The following SLC5A7 variants were observed in gnomAD, a reference collection of about 807,000 sequenced individuals.
The protein encoded by SLC5A7 is high affinity choline transporter 1.
Under a neutral mutation model 55.4 loss-of-function variants are expected in SLC5A7, and 19 were observed. The ratio of observed to expected loss-of-function variants is 0.34; its 90% confidence interval spans 0.24 to 0.50. The LOEUF (loss-of-function observed/expected upper bound fraction) is 0.50. Among genes scored for constraint, SLC5A7 ranks in the 20% least tolerant of loss-of-function variants. The pLI is 0.98. For synonymous variants in SLC5A7, 265 were observed against 263.7 expected (o/e 1.00, Z -0.05); for missense variants, 506 against 705.3 (o/e 0.72, Z 3.20).
At chr2:107,999,222 G>A (rs1196406439) in intron 5 of SLC5A7, among the ~76,000 whole-genome samples, 3 of 152,176 alleles carry the variant, frequency 2.0e-5, no homozygotes, top group Non-Finnish European at 4.4e-5. Context: ...TAAGTGGACC[G>A]TGCTGAAATT....
chr2:108,005,692 T>C (rs1017992461), intron 6 of SLC5A7, among the ~76,000 whole-genome samples: 2 of 152,162 alleles, frequency 1.3e-5, no homozygotes, highest in South Asian at 2.1e-4. Context: ...TGGTGAGGAT[T>C]CGCATCCTCA....
chr2:107,999,213 A>T (rs957525629), intron 5 of SLC5A7, among the ~76,000 whole-genome samples: 1 of 152,236 alleles, frequency 6.6e-6, no homozygotes, highest in African/African-American at 2.4e-5. Flanking sequence ...TACCAAAATT[A>T]AGTGGACCGT....
intron 8 of SLC5A7, among the ~76,000 whole-genome samples, chr2:108,009,102 C>T (rs1186545938): frequency 1.3e-5 from 2 of 152,014 alleles, no homozygotes; most frequent in African/African-American, 4.8e-5. Context: ...CTGTTTTATA[C>T]TTGCACTCCA....
intron 2 of SLC5A7, among the ~76,000 whole-genome samples, 168 bp from the exon 3 acceptor site, chr2:107,991,934 TGAAA>T (rs761113212): frequency 1.2e-4 from 18 of 152,238 alleles, no homozygotes; most frequent in Admixed American, 2.0e-4. Context: ...ATGTGATTAA[TGAAA>T]GAAAAAACAT....
At chr2:107,994,908 GAATT>G (rs1208995775) in intron 4 of SLC5A7, among the ~76,000 whole-genome samples, 1 of 152,126 alleles carries the variant, frequency 6.6e-6, no homozygotes, top group African/African-American at 2.4e-5. Flanking sequence ...AGAAAGAATA[GAATT>G]AATAAGCAAA....
At chr2:108,006,265 T>G in intron 7 of SLC5A7, 63 bp downstream of exon 7, 1 of 1,584,278 alleles carries the variant, frequency 6.3e-7, no homozygotes, top group Non-Finnish European at 8.6e-7. Context: ...CCAGACACCC[T>G]TCTGTCCCAC....
Position 108,013,186 on chromosome 2 carries a change from A to G in SLC5A7, c.*2325A>G, listed in dbSNP as rs1389499695. The G allele has an allele frequency of 6.6e-6, 1 of 152,052 alleles. No individual in the cohort carries two copies. The highest frequency in any genetic ancestry group is 6.6e-5 in the Admixed American group (1 of 15,252). 9.4% of individuals were successfully genotyped at this position (152,052 alleles called of 1,614,324 possible). A position where few individuals can be genotyped will look rare whatever the true frequency, so the allele number is the denominator to read the frequency against. On this transcript the variant is annotated 3_prime_UTR_variant, in exon 9 of 9. Transcript: ENST00000264047. ...TTTCTTCCACGTAATTCAATTTCTC[A>G]CAATAGACAGAAACAGGGGGAAAAT...
chr2:108,000,996 C>T (rs566824453), intron 5 of SLC5A7, among the ~76,000 whole-genome samples: 31 of 141,352 alleles, frequency 2.2e-4, no homozygotes, highest in Middle Eastern at 4.0e-3. Flanking sequence ...TGTCCAGTCT[C>T]GGCTCACTGC....
At position 107,993,200 on chromosome 2, in the gene SLC5A7, TC is replaced by T. The variant is rs1332174361; in HGVS notation, c.448+74del. 3 of 1,550,334 alleles carry T rather than the reference TC, an allele frequency of 1.9e-6. No individual in the cohort carries two copies. In the African/African-American group the frequency reaches 4.1e-5, roughly 21 times the overall value. ...CATCAGATACACAACCTTACTTTCC[TC>T]AGCCTTGGCTTCTGAGGACATTTTT... On this transcript the variant is annotated intron_variant, in intron 4 of 8. Transcript: ENST00000264047.
At chr2:108,002,750 C>G (rs1460933662) in intron 6 of SLC5A7, among the ~76,000 whole-genome samples, 1 of 152,068 alleles carries the variant, frequency 6.6e-6, no homozygotes, top group Non-Finnish European at 1.5e-5. Context: ...AGTGTGGTGG[C>G]TCACCCTGGT....
intron 6 of SLC5A7, among the ~76,000 whole-genome samples, chr2:108,004,351 G>A (rs1678026243): frequency 6.6e-6 from 1 of 152,136 alleles, no homozygotes; most frequent in African/African-American, 2.4e-5. Context: ...CAGGAATGGG[G>A]TTATGAATTT....
chr2:107,987,940 T>A, intron 1 of SLC5A7, among the ~76,000 whole-genome samples, 165 bp from the exon 2 acceptor site: 1 of 152,232 alleles, frequency 6.6e-6, no homozygotes, highest in East Asian at 1.9e-4. Context: ...AGTAGGATAA[T>A]GTAGTGGACA....
chr2:107,988,352 G>T lies in SLC5A7; in HGVS notation c.178+19G>T. On this transcript the variant is annotated intron_variant, in intron 2 of 8. Transcript: ENST00000264047. ...ATGACAGGTACGTTCAGACGCCGCCGGCTCCATGCAGTCCTCCCTTCCTTG... is the reference window on the plus strand; with the variant it reads ...ATGACAGGTACGTTCAGACGCCGCCTGCTCCATGCAGTCCTCCCTTCCTTG... The T allele has an allele frequency of 2.5e-6, 4 of 1,596,608 alleles. No individual in the cohort carries two copies. Among genetic ancestry groups the T allele is most frequent in the Non-Finnish European group, 3.4e-6 (4 of 1,167,078 alleles).
chr2:108,000,307 T>C (rs1677832530), intron 5 of SLC5A7, among the ~76,000 whole-genome samples: 1 of 152,220 alleles, frequency 6.6e-6, no homozygotes, highest in Non-Finnish European at 1.5e-5. Context: ...CTCAATCACA[T>C]ATTTTCTTAT....
rs1162945003 is a variant in SLC5A7 at position 108,013,510 on chromosome 2, A to G, written c.*2649A>G. The stretch of plus-strand genomic sequence containing the variant: ...ATCACAAAGCTGTGAAATGTGCAAG[A>G]GTATACTTTGTACCCATCATGTGCT... On this transcript the variant is annotated 3_prime_UTR_variant, in exon 9 of 9. Transcript: ENST00000264047. 6.6e-6 allele frequency: 1 copy of G among 152,172 alleles called. No individual in the cohort carries two copies. Among genetic ancestry groups the G allele is most frequent in the African/African-American group, 2.4e-5 (1 of 41,458 alleles). 9.4% of individuals were successfully genotyped at this position (152,172 alleles called of 1,614,324 possible).
At position 108,008,658 on chromosome 2, in the gene SLC5A7, C is replaced by T; in HGVS notation, c.1089C>T (p.Ile363=). ...LSASSMFARN[I]YQLSFRQNAS... is the part of the protein sequence containing the mutation. ...CAAGTTCCATGTTTGCACGGAACAT[C>T]TACCAGCTTTCCTTCAGACAAAATG... is the stretch of plus-strand genomic sequence containing the variant. The change falls in exon 8 of 9, where the codon ATC becomes ATT. Residue 363 remains isoleucine, a synonymous_variant. Transcript: ENST00000264047. 6.2e-7 allele frequency: 1 copy of T among 1,612,996 alleles called. No homozygotes were observed. The highest frequency in any genetic ancestry group is 8.5e-7 in the Non-Finnish European group (1 of 1,179,598).
At position 108,011,272 on chromosome 2, in the gene SLC5A7, C is replaced by T. The variant is rs569680107; in HGVS notation, c.*411C>T. 40 of 154,966 alleles carry T rather than the reference C, an allele frequency of 2.6e-4. No individual in the cohort carries two copies. The highest frequency in any genetic ancestry group is 1.1e-3 in the East Asian group (6 of 5,246). 9.6% of individuals were successfully genotyped at this position (154,966 alleles called of 1,614,324 possible). The stretch of plus-strand genomic sequence containing the variant: ...TGATGAGTCTAGTTTCATTATAGCA[C>T]GAAGCTATGAGAATAACTTCAGTCA... On this transcript the variant is annotated 3_prime_UTR_variant, in exon 9 of 9. Transcript: ENST00000264047.
At position 108,010,811 on chromosome 2, in the gene SLC5A7, G is replaced by T. The variant is rs578234922; in HGVS notation, c.1693G>T (p.Asp565Tyr). 8.1e-6 allele frequency: 13 copies of T among 1,611,362 alleles called. No individual in the cohort carries two copies. In the South Asian group the frequency reaches 1.3e-4, roughly 16 times the overall value. ...TTTCACCAATAAAGAGGCCTTCCTT[G>T]ATGTTGATTCCAGTCCAGAAGGGTC... ...STFTNKEAFL[D>Y]VDSSPEGSGT... Residue 565 changes from aspartate to tyrosine, a missense_variant, in exon 9 of 9, where the codon GAT (aspartate) becomes TAT (tyrosine). Transcript: ENST00000264047.
intron 4 of SLC5A7, 123 bp downstream of exon 4, chr2:107,993,250 AT>A: frequency 1.0e-6 from 1 of 988,198 alleles, no homozygotes; most frequent in Non-Finnish European, 1.5e-6. Flanking sequence ...GCTGAACCAT[AT>A]TTATATGCAT....
Sources: allele counts gnomAD v4.1 joint callset (sites outside exome capture counted in the v4.1 genomes callset), GRCh38; gene constraint gnomAD v4.1.1; transcripts MANE v1.5; gene names NCBI Gene and HGNC (gene_info 2026-07-23, HGNC 2026-07-21).